The following UBAP2L variants were observed in gnomAD, a reference collection of about 807,000 sequenced individuals.
The protein encoded by UBAP2L is ubiquitin associated protein 2 like, also known as ubiquitin-associated protein 2-like.
UBAP2L carries 12 observed loss-of-function variants against 130.6 expected under a neutral mutation model. The observed-to-expected ratio is 0.09, with a 90% confidence interval of 0.06 to 0.15. The LOEUF (loss-of-function observed/expected upper bound fraction) is 0.15. Among genes scored for constraint, UBAP2L ranks in the 10% least tolerant of loss-of-function variants. The pLI, the probability that UBAP2L is intolerant of heterozygous loss-of-function variation, is 1.00. For missense variants in UBAP2L, 965 were observed against 1,332.5 expected, an observed-to-expected ratio of 0.72 and a Z score of 4.29; for synonymous variants, 503 against 524.7, an observed-to-expected ratio of 0.96 and a Z score of 0.57.
intron 8 of UBAP2L, among the ~76,000 whole-genome samples, chr1:154,238,028 T>G (rs2148674495): frequency 1.3e-5 from 2 of 152,322 alleles, no homozygotes; most frequent in Admixed American, 1.3e-4. Context: ...GAGTAGGGCC[T>G]GAAATGTTTG....
Position 154,270,770 on chromosome 1 carries a change from G to GTTTTTTTTTTTTTTTTT in UBAP2L, c.*491_*492insTTTTTTTTTTTTTTTTT. ...AATTAGTTGAAGTGGTTTTTTTTTTGTTTTTTTTTTTTTTTTGTACTGTGT... is the reference window on the plus strand; with the variant it reads ...AATTAGTTGAAGTGGTTTTTTTTTTGTTTTTTTTTTTTTTTTTTTTTTTTTTTTTTTTTGTACTGTGT... On this transcript the variant is annotated 3_prime_UTR_variant, in exon 27 of 27. Transcript: ENST00000428931. The GTTTTTTTTTTTTTTTTT allele has an allele frequency of 4.1e-5, 38 of 922,784 alleles. 2 individuals carry two copies. Among genetic ancestry groups the GTTTTTTTTTTTTTTTTT allele is most frequent in the East Asian group, 2.7e-4 (3 of 11,238 alleles). The allele number at this position is 922,784 out of a possible 1,614,324, so 57.2% of individuals were successfully genotyped here. A position where few individuals can be genotyped will look rare whatever the true frequency, so the allele number is the denominator to read the frequency against.
intron 8 of UBAP2L, among the ~76,000 whole-genome samples, chr1:154,238,206 A>G (rs1181343112): frequency 6.6e-6 from 1 of 152,178 alleles, no homozygotes; most frequent in African/African-American, 2.4e-5. Context: ...TATCTTATAA[A>G]TTCATTTTTA....
At chr1:154,245,416 C>T (rs1402426903) in intron 10 of UBAP2L, among the ~76,000 whole-genome samples, 1 of 152,084 alleles carries the variant, frequency 6.6e-6, no homozygotes, top group Non-Finnish European at 1.5e-5. Flanking sequence ...ATATATTATA[C>T]CACAGGTAAC....
At chr1:154,252,541 A>T (rs1403143443) in intron 14 of UBAP2L, among the ~76,000 whole-genome samples, 1 of 151,914 alleles carries the variant, frequency 6.6e-6, no homozygotes, top group African/African-American at 2.4e-5. Context: ...TCGGCCTCCC[A>T]AAGGACTGGG....
intron 9 of UBAP2L, among the ~76,000 whole-genome samples, chr1:154,242,000 C>T (rs1392974413): frequency 1.3e-5 from 2 of 152,192 alleles, no homozygotes; most frequent in African/African-American, 4.8e-5. Context: ...ACCAAATCCT[C>T]AAACTTGTAA....
intron 24 of UBAP2L, 56 bp from the exon 25 acceptor site, chr1:154,266,445 A>G (rs1463511895): frequency 6.3e-7 from 1 of 1,574,976 alleles, no homozygotes; most frequent in African/African-American, 1.3e-5. Flanking sequence ...CATCTCAGGA[A>G]TAAGGGCCAG....
In UBAP2L at chr1:154,254,121, TAGG is replaced by T. The variant is rs769780317; in HGVS notation, c.1854+35_1854+37del. The stretch of plus-strand genomic sequence containing the variant: ...GCTTCATGAACCCTTGGGAATTGGT[TAGG>T]AGAATAGTGGGCAAAAATTCCTTAA... On this transcript the variant is annotated intron_variant, in intron 15 of 26. Transcript: ENST00000428931. The T allele has an allele frequency of 6.1e-6, 9 of 1,466,364 alleles. No homozygotes were observed. In the African/African-American group the frequency reaches 1.2e-4, roughly 19 times the overall value. 90.8% of individuals were successfully genotyped at this position (1,466,364 alleles called of 1,614,324 possible). A position where few individuals can be genotyped will look rare whatever the true frequency, so the allele number is the denominator to read the frequency against.
At chr1:154,259,722 C>T (rs145900039) in intron 21 of UBAP2L, 3 of 678,786 alleles carry the variant, frequency 4.4e-6, no homozygotes, top group South Asian at 3.2e-5. Context: ...GATGTATTCT[C>T]AAGTGGGCAT....
chr1:154,227,447 C>T, intron 3 of UBAP2L, 88 bp downstream of exon 3: 3 of 1,189,604 alleles, frequency 2.5e-6, no homozygotes, highest in Non-Finnish European at 3.7e-6. Flanking sequence ...TGCCAGGATA[C>T]TTTCTACTAT....
intron 20 of UBAP2L, among the ~76,000 whole-genome samples, chr1:154,258,446 C>G (rs547202272): frequency 6.6e-6 from 1 of 152,158 alleles, no homozygotes; most frequent in Admixed American, 6.5e-5. Flanking sequence ...TATTTGGTAC[C>G]TATTAAGATG....
chr1:154,257,525 C>T, intron 20 of UBAP2L, 91 bp downstream of exon 20: 10 of 1,381,262 alleles, frequency 7.2e-6, no homozygotes, highest in Non-Finnish European at 1.0e-5. Flanking sequence ...CCTGTGAATA[C>T]CAAAACTTGC....
chr1:154,249,108 T>G, intron 11 of UBAP2L, 131 bp from the exon 12 acceptor site: 1 of 812,296 alleles, frequency 1.2e-6, no homozygotes, highest in South Asian at 1.6e-5. Context: ...TGGACTATGC[T>G]GTATACTCAG....
At chr1:154,236,232 A>G (rs1671624833) in intron 6 of UBAP2L, among the ~76,000 whole-genome samples, 1 of 151,974 alleles carries the variant, frequency 6.6e-6, no homozygotes, top group Non-Finnish European at 1.5e-5. Context: ...GCAAGGTTTC[A>G]CTGTCACCCA....
At chr1:154,240,308 A>AT (rs368539146) in intron 8 of UBAP2L, among the ~76,000 whole-genome samples, 92 of 147,534 alleles carry the variant, frequency 6.2e-4, no homozygotes, top group Middle Eastern at 3.5e-3. Flanking sequence ...AAGAAAGGAC[A>AT]TTTTTTTTTT....
intron 15 of UBAP2L, 94 bp from the exon 16 acceptor site, chr1:154,254,742 T>A: frequency 6.0e-6 from 8 of 1,327,466 alleles, no homozygotes; most frequent in Non-Finnish European, 8.4e-6. Flanking sequence ...TCCTAAAGAT[T>A]TGTTGACCAA....
At chr1:154,254,202 G>T in intron 15 of UBAP2L, 113 bp downstream of exon 15, 1 of 1,036,670 alleles carries the variant, frequency 9.6e-7, no homozygotes. Flanking sequence ...TGGAAGTAGT[G>T]ATTGAGAATT....
At chr1:154,246,451 ACAGT>A (rs1402335704) in intron 11 of UBAP2L, 76 bp downstream of exon 11, 2 of 1,495,998 alleles carry the variant, frequency 1.3e-6, no homozygotes, top group African/African-American at 1.4e-5. Flanking sequence ...CCTTCCAAAG[ACAGT>A]CAGGTTTTTG....
In UBAP2L at chr1:154,239,623, G is replaced by A. The variant is rs111755233; in HGVS notation, c.704-1890G>A. Reference sequence around the variant, plus strand: ...TTCCTCAGCCATGACCGTATATCCTGAATAGGAACATACCAGTTAGGTGTC... The same window carrying A: ...TTCCTCAGCCATGACCGTATATCCTAAATAGGAACATACCAGTTAGGTGTC... On this transcript the variant is annotated intron_variant, in intron 8 of 26. Coordinates refer to ENST00000428931, the MANE Select transcript of UBAP2L (RefSeq NM_014847.4). Among the ~76,000 whole-genome samples the A allele has an allele frequency of 4.6e-3, 699 of 152,242 alleles. 7 individuals are homozygous for A. The highest frequency in any genetic ancestry group is 0.015 in the African/African-American group (637 of 41,520).
intron 26 of UBAP2L, 82 bp from the exon 27 acceptor site, chr1:154,270,118 C>T: frequency 1.3e-6 from 2 of 1,484,938 alleles, no homozygotes; most frequent in Non-Finnish European, 9.0e-7. Context: ...ACAGTTTGCA[C>T]ATCTCCACCT....
Sources: gnomAD v4.1 joint callset for allele counts (sites outside exome capture counted in the v4.1 genomes callset) on GRCh38, gnomAD v4.1.1 for gene constraint, MANE v1.5 for transcripts, NCBI Gene and HGNC (gene_info 2026-07-23, HGNC 2026-07-21) for gene names.